Variants in TPP2 observed in about 807,000 individuals in gnomAD.
The protein encoded by TPP2 is tripeptidyl peptidase 2, also known as tripeptidyl-peptidase 2.
Under a neutral mutation model 155.9 loss-of-function variants are expected in TPP2, and 34 were observed. That is an observed-to-expected ratio of 0.22 (90% confidence interval 0.17 to 0.29). The LOEUF is 0.29. Ranked by LOEUF, TPP2 falls within the 10% of genes least tolerant of loss-of-function variation. The pLI is 1.00. For missense variants in TPP2, 1,028 were observed against 1,522.3 expected (o/e 0.68, Z 5.40); for synonymous variants, 510 against 529.4 (o/e 0.96, Z 0.50).
intron 13 of TPP2, 106 bp downstream of exon 13, chr13:102,636,498 A>G (rs1280506043): frequency 1.6e-6 from 2 of 1,261,066 alleles, no homozygotes; most frequent in African/African-American, 3.0e-5. Context: ...AAGAGAATAC[A>G]TGAATTGACA....
chr13:102,644,476 G>A, intron 17 of TPP2, 81 bp from the exon 18 acceptor site: 1 of 1,211,874 alleles, frequency 8.3e-7, no homozygotes, highest in Non-Finnish European at 1.1e-6. Context: ...AAACAGAATT[G>A]CTCTGAAACA....
intron 2 of TPP2, among the ~76,000 whole-genome samples, chr13:102,609,392 CTTTTTTT>C (rs34845674): frequency 1.3e-5 from 1 of 79,840 alleles, no homozygotes; most frequent in East Asian, 3.9e-4. Context: ...AAGTGCCATG[CTTTTTTT>C]TTTTTTTTTT....
intron 9 of TPP2, 76 bp from the exon 10 acceptor site, chr13:102,630,020 T>G: frequency 8.1e-7 from 1 of 1,232,546 alleles, no homozygotes; most frequent in Non-Finnish European, 1.2e-6. Context: ...TTAGGCAGTT[T>G]ACTCAAGTGA....
At chr13:102,649,387 T>C in intron 22 of TPP2, 21 bp from the exon 23 acceptor site, 2 of 1,590,342 alleles carry the variant, frequency 1.3e-6, no homozygotes. Context: ...GCTTTTTTTC[T>C]CTTTGAATTC....
intron 21 of TPP2, 149 bp from the exon 22 acceptor site, chr13:102,648,758 T>C (rs569445599): frequency 4.7e-6 from 5 of 1,062,692 alleles, no homozygotes; most frequent in South Asian, 3.5e-5. Flanking sequence ...TTATGTGTTA[T>C]ATGAACGTCT....
chr13:102,663,707 T>C lies in TPP2; in HGVS notation c.3203T>C (p.Leu1068Pro). 1 of 1,607,876 alleles carries C rather than the reference T, an allele frequency of 6.2e-7. No individual in the cohort carries two copies. Among genetic ancestry groups the C allele is most frequent in the Non-Finnish European group, 8.5e-7 (1 of 1,177,968 alleles). ...GAAACATATCCTAATTATCTTCCTC[T>C]GTACGTTGCACGACTTCATCAATTG... ...LKETYPNYLP[L>P]YVARLHQLDA... Residue 1068 changes from leucine to proline, a missense_variant, in exon 26 of 30, where the codon CTG (leucine) becomes CCG (proline). Leu to Pro is a moderately conservative substitution (Grantham distance 98). Around this residue, in one of 7 missense-constraint regions of TPP2, gnomAD observed 179 missense variants for 274.7 expected, o/e 0.65. Coordinates refer to ENST00000376052, the MANE Select transcript of TPP2 (RefSeq NM_001330588.2).
intron 27 of TPP2, among the ~76,000 whole-genome samples, chr13:102,673,104 G>A (rs933422821): frequency 2.0e-5 from 3 of 152,134 alleles, no homozygotes; most frequent in Non-Finnish European, 4.4e-5. Context: ...CCCCGGTCTT[G>A]GGCAATGTTT....
At chr13:102,616,370 G>T in intron 3 of TPP2, 26 bp from the exon 4 acceptor site, 1 of 1,583,820 alleles carries the variant, frequency 6.3e-7, no homozygotes, top group Non-Finnish European at 8.6e-7. Flanking sequence ...CAGCCTAATT[G>T]TAAGGTAATT....
At chr13:102,620,600 C>T (rs988066412) in intron 5 of TPP2, among the ~76,000 whole-genome samples, 51 of 152,048 alleles carry the variant, frequency 3.4e-4, no homozygotes, top group Admixed American at 3.1e-3. Context: ...CTTTAAGTAC[C>T]GTGGGTTTTT....
At chr13:102,618,870 T>A in intron 5 of TPP2, 24 bp downstream of exon 5, 1 of 1,583,056 alleles carries the variant, frequency 6.3e-7, no homozygotes, top group Non-Finnish European at 8.6e-7. Flanking sequence ...ATTTTATACA[T>A]CTTCATTTAC....
Position 102,678,633 on chromosome 13 carries a change from T to A in TPP2, c.*317T>A, listed in dbSNP as rs1231702538. The A allele has an allele frequency of 4.9e-6, 1 of 205,890 alleles. No homozygotes were observed. The highest frequency in any genetic ancestry group is 5.3e-5 in the Admixed American group (1 of 18,880). 12.8% of individuals were successfully genotyped at this position (205,890 alleles called of 1,614,324 possible). On this transcript the variant is annotated 3_prime_UTR_variant, in exon 30 of 30. Transcript: ENST00000376052. Reference sequence around the variant, plus strand: ...TAGGTTTTGGAAGGTAACTTTTAACTGCAAACCTATAAAGTACTATTTTTT... The same window carrying A: ...TAGGTTTTGGAAGGTAACTTTTAACAGCAAACCTATAAAGTACTATTTTTT...
intron 1 of TPP2, among the ~76,000 whole-genome samples, chr13:102,604,401 T>C (rs561951116): frequency 1.9e-4 from 29 of 152,296 alleles, no homozygotes; most frequent in Non-Finnish European, 2.9e-4. Context: ...TTCTTTTTTT[T>C]CCCTAATACC....
chr13:102,646,216 A>C (rs1883089750), intron 19 of TPP2, 78 bp from the exon 20 acceptor site: 22 of 1,208,264 alleles, frequency 1.8e-5, no homozygotes, highest in Non-Finnish European at 2.6e-5. Context: ...TATGTTACAG[A>C]TTTTGTTGCA....
At chr13:102,663,816 C>A in intron 26 of TPP2, 72 bp downstream of exon 26, 1 of 1,126,052 alleles carries the variant, frequency 8.9e-7, no homozygotes, top group Non-Finnish European at 1.2e-6. Context: ...AGGAAAAGTG[C>A]ATTATCTTTC....
chr13:102,658,668 A>T (rs773079734), intron 25 of TPP2, among the ~76,000 whole-genome samples: 1 of 152,248 alleles, frequency 6.6e-6, no homozygotes, highest in Non-Finnish European at 1.5e-5. Context: ...AGAGTCTGTG[A>T]TATTTGAACC....
intron 21 of TPP2, among the ~76,000 whole-genome samples, chr13:102,648,106 A>G (rs753417746): frequency 5.9e-5 from 9 of 152,334 alleles, no homozygotes; most frequent in African/African-American, 1.2e-4. Context: ...CTGACACAGG[A>G]TACAGCATCT....
chr13:102,601,585 A>G (rs1357969645), intron 1 of TPP2, among the ~76,000 whole-genome samples: 1 of 152,192 alleles, frequency 6.6e-6, no homozygotes, highest in Non-Finnish European at 1.5e-5. Context: ...CCCAGGACCC[A>G]GGATTTAATA....
In TPP2 at chr13:102,644,842, T is replaced by C. The variant is rs1662618039; in HGVS notation, c.2293-67T>C. The C allele has an allele frequency of 1.9e-6, 3 of 1,560,946 alleles. No homozygotes were observed. The African/African-American group carries it at 4.1e-5, about 21-fold the overall frequency. ...ATAAACTTTATATTGGACACATTTA[T>C]TTTAGGTACAAAATATTGCTTATTT... is the stretch of plus-strand genomic sequence containing the variant. On this transcript the variant is annotated intron_variant, in intron 18 of 29. Coordinates refer to ENST00000376052, the MANE Select transcript of TPP2 (RefSeq NM_001330588.2).
intron 3 of TPP2, among the ~76,000 whole-genome samples, 176 bp from the exon 4 acceptor site, chr13:102,616,220 T>G (rs1880711997): frequency 2.0e-5 from 3 of 152,294 alleles, no homozygotes; most frequent in African/African-American, 7.2e-5. Context: ...GCCTTCCAAA[T>G]TGTTAGGATT....
Sources: allele counts gnomAD v4.1 joint callset (sites outside exome capture counted in the v4.1 genomes callset), GRCh38; gene constraint gnomAD v4.1.1; regional missense constraint gnomAD v4.1.1; transcripts MANE v1.5; gene names NCBI Gene and HGNC (gene_info 2026-07-23, HGNC 2026-07-21).